CACNA1E: variants seen among roughly 807,000 people sequenced by gnomAD.
The protein encoded by CACNA1E is voltage-dependent R-type calcium channel subunit alpha-1E.
CACNA1E carries 40 observed loss-of-function variants against 259.2 expected under a neutral mutation model. The observed-to-expected ratio is 0.15, with a 90% CI of 0.12 to 0.20. The LOEUF is 0.20. Among genes scored for constraint, CACNA1E ranks in the 10% least tolerant of loss-of-function variants. The probability of loss-of-function intolerance (pLI) is 1.00; values close to 1 mark genes in which losing one functional copy is unlikely to be tolerated. For synonymous variants in CACNA1E, 1,104 were observed against 1,138.5 expected (o/e 0.97, Z 0.61); for missense variants, 1,874 against 3,040.1 (o/e 0.62, Z 9.02).
rs1167866995 is a variant in CACNA1E at position 181,655,808 on chromosome 1, G to T, written c.1055+4367G>T. On this transcript the variant is annotated intron_variant, in intron 7 of 47. Transcript: ENST00000367573. ...ATCTGTAAGAAAAAATAAAACTAAT[G>T]TATTCCCCAATGTGTGTTATTATTT... Among the ~76,000 whole-genome samples the T allele has an allele frequency of 3.9e-5, 6 of 152,220 alleles. No homozygotes were observed. The South Asian group carries it at 8.3e-4, about 21-fold the overall frequency.
chr1:181,439,521 T>C (rs1660313387), intron 2 of CACNA1E, among the ~76,000 whole-genome samples: 1 of 152,144 alleles, frequency 6.6e-6, no homozygotes, highest in Non-Finnish European at 1.5e-5. Context: ...GATGAACCCC[T>C]TAAGGACAGG....
intron 2 of CACNA1E, among the ~76,000 whole-genome samples, chr1:181,431,308 A>G (rs1300591531): frequency 1.3e-5 from 2 of 152,192 alleles, no homozygotes; most frequent in African/African-American, 2.4e-5. Flanking sequence ...TGATGGCAAC[A>G]TATACTGACC....
chr1:181,522,767 GAGAC>G (rs1667083691), intron 3 of CACNA1E, among the ~76,000 whole-genome samples: 1 of 152,146 alleles, frequency 6.6e-6, no homozygotes, highest in South Asian at 2.1e-4. Context: ...CTCTGTTCTG[GAGAC>G]AGGTCACCCA....
At chr1:181,794,324 C>T (rs568986877) in intron 45 of CACNA1E, among the ~76,000 whole-genome samples, 116 of 152,204 alleles carry the variant, frequency 7.6e-4, no homozygotes, top group Admixed American at 1.3e-3. Flanking sequence ...GAATTTAAAA[C>T]GGGGCTAGGT....
rs80307151 is a variant in CACNA1E at position 181,320,713 on chromosome 1, C to G, written c.-15+2590C>G. 9.4e-3 allele frequency among the ~76,000 whole-genome samples: 1,430 copies of G among 152,244 alleles called. 26 individuals are homozygous for G. Among genetic ancestry groups the G allele is most frequent in the African/African-American group, 0.032 (1,325 of 41,544 alleles). ...ATGGCATCTGACTCACAGAGTTAGT[C>G]CCAGCTGCTCAGCCGGGGGGGTGAT... On this transcript the variant is annotated intron_variant, in intron 1 of 11. Transcript: ENST00000524607.
chr1:181,798,742 C>G lies in CACNA1E; in HGVS notation c.6850C>G (p.Arg2284Gly), dbSNP rs770456006. The part of the protein sequence containing the change: ...HSWQMPNGHY[R>G]RRRRGGPGPG... ...CTGGCAGATGCCCAACGGGCACTATCGGCGGCGGAGGCGCGGGGGGCCTGG... is the reference window on the plus strand; with the variant it reads ...CTGGCAGATGCCCAACGGGCACTATGGGCGGCGGAGGCGCGGGGGGCCTGG... The change falls in exon 48 of 48, where the codon CGG becomes GGG. Residue 2284 changes from arginine to glycine, a missense_variant. Transcript: ENST00000367573. This position sits in a 1 kb window ranked among gnomAD's most constrained non-coding sequence, Gnocchi z 4.2. 10 of 1,606,100 alleles carry G rather than the reference C, an allele frequency of 6.2e-6. No individual in the cohort carries two copies. The highest frequency in any genetic ancestry group is 1.3e-5 in the African/African-American group (1 of 74,840).
intron 2 of CACNA1E, among the ~76,000 whole-genome samples, chr1:181,465,446 GA>G (rs1172364544): frequency 1.3e-5 from 2 of 151,890 alleles, no homozygotes; most frequent in Non-Finnish European, 2.9e-5. Context: ...TCTCTTTATA[GA>G]AGTCCCATTA....
At chr1:181,590,926 A>C (rs1300015954) in intron 6 of CACNA1E, among the ~76,000 whole-genome samples, 1 of 152,228 alleles carries the variant, frequency 6.6e-6, no homozygotes, top group Admixed American at 6.5e-5. Context: ...ATTTTCTTGA[A>C]TCTAAGATGC....
intron 3 of CACNA1E, among the ~76,000 whole-genome samples, chr1:181,542,628 T>C (rs949052809): frequency 3.3e-5 from 5 of 151,960 alleles, no homozygotes; most frequent in Non-Finnish European, 5.9e-5. Flanking sequence ...GTGAAGAAAG[T>C]GTCTTACTTC....
intron 6 of CACNA1E, among the ~76,000 whole-genome samples, chr1:181,610,476 T>A (rs1483371807): frequency 2.0e-5 from 3 of 152,238 alleles, no homozygotes. Flanking sequence ...CAGAATACAG[T>A]GTGGTCTGTC....
intron 1 of CACNA1E, among the ~76,000 whole-genome samples, chr1:181,377,467 G>C (rs1254146137): frequency 6.6e-6 from 1 of 152,186 alleles, no homozygotes; most frequent in Non-Finnish European, 1.5e-5. Context: ...GCTGGGGTTA[G>C]AGAGTAGGAT....
chr1:181,688,483 T>C (rs1434043311), intron 7 of CACNA1E, among the ~76,000 whole-genome samples: 2 of 152,212 alleles, frequency 1.3e-5, no homozygotes, highest in African/African-American at 4.8e-5. Context: ...CATGCTTAAC[T>C]CTGCAAGATA....
intron 10 of CACNA1E, 80 bp downstream of exon 10, chr1:181,716,209 A>C: frequency 1.1e-6 from 1 of 880,552 alleles, no homozygotes; most frequent in East Asian, 2.8e-5. Flanking sequence ...AAGCACCACA[A>C]GGAGGGAAAG....
At chr1:181,563,474 T>C (rs116242798) in intron 3 of CACNA1E, among the ~76,000 whole-genome samples, 161 of 152,242 alleles carry the variant, frequency 1.1e-3, no homozygotes, top group African/African-American at 3.7e-3. Context: ...TATGAGAAAG[T>C]AGAATTTTAT....
At chr1:181,602,889 A>G (rs1653872887) in intron 6 of CACNA1E, among the ~76,000 whole-genome samples, 1 of 152,182 alleles carries the variant, frequency 6.6e-6, no homozygotes, top group South Asian at 2.1e-4. Context: ...TTGAGTCCAC[A>G]AGATCCATAC....
At position 181,582,194 on chromosome 1, in the gene CACNA1E, G is replaced by T. The variant is rs544885989; in HGVS notation, c.951+1418G>T. Among the ~76,000 whole-genome samples the T allele has an allele frequency of 5.3e-5, 8 of 152,314 alleles. No individual in the cohort carries two copies. The South Asian group carries it at 1.7e-3, about 32-fold the overall frequency. Reference sequence around the variant, plus strand: ...GGCTATTATGCTAAAGCTCTAAAGGGCAGTGAAGAAGTCCCAAGGACCAGC... The same window carrying T: ...GGCTATTATGCTAAAGCTCTAAAGGTCAGTGAAGAAGTCCCAAGGACCAGC... On this transcript the variant is annotated intron_variant, in intron 6 of 47. Coordinates refer to ENST00000367573, the MANE Select transcript of CACNA1E (RefSeq NM_001205293.3).
At chr1:181,763,056 T>C (rs1359619641) in intron 33 of CACNA1E, among the ~76,000 whole-genome samples, 1 of 152,186 alleles carries the variant, frequency 6.6e-6, no homozygotes, top group Non-Finnish European at 1.5e-5. Context: ...GGTAACTCTC[T>C]TTGAATATTA....
intron 7 of CACNA1E, 23 bp from the exon 8 acceptor site, chr1:181,710,931 A>G: frequency 6.5e-7 from 1 of 1,533,790 alleles, no homozygotes; most frequent in African/African-American, 1.4e-5. Flanking sequence ...AAACCCAGTG[A>G]ATCTTATCCT....
At chr1:181,595,880 G>A (rs1653109692) in intron 6 of CACNA1E, among the ~76,000 whole-genome samples, 1 of 152,204 alleles carries the variant, frequency 6.6e-6, no homozygotes, top group South Asian at 2.1e-4. Flanking sequence ...GCCTGGGAAG[G>A]TGACCACAGA....
Sources: allele counts gnomAD v4.1 joint callset (sites outside exome capture counted in the v4.1 genomes callset), GRCh38; gene constraint gnomAD v4.1.1; non-coding constraint Gnocchi (gnomAD v3.1); transcripts MANE v1.5; gene names NCBI Gene and HGNC (gene_info 2026-07-23, HGNC 2026-07-21).